The following CCBE1 variants were observed in gnomAD, a reference collection of about 807,000 sequenced individuals.
The protein encoded by CCBE1 is collagen and calcium binding EGF domains 1.
Under a neutral mutation model 50.0 loss-of-function variants are expected in CCBE1, and 37 were observed. That is an observed-to-expected ratio of 0.74 (90% CI 0.57 to 0.97). The LOEUF (loss-of-function observed/expected upper bound fraction) is 0.97, where lower values mean the gene tolerates loss of function less well. CCBE1 is among the 50% of genes least tolerant of loss of function. The pLI is 0.00. For synonymous variants in CCBE1, 234 were observed against 203.7 expected, an observed-to-expected ratio of 1.15 and a Z score of -1.27; for missense variants, 538 against 523.8, an observed-to-expected ratio of 1.03 and a Z score of -0.26.
At chr18:59,679,911 G>C (rs1171903417) in intron 2 of CCBE1, among the ~76,000 whole-genome samples, 10 of 152,134 alleles carry the variant, frequency 6.6e-5, no homozygotes, top group Non-Finnish European at 1.5e-4. Context: ...GTAGGTAAGA[G>C]ACATGGTTAC....
chr18:59,664,262 T>C (rs566393902), intron 2 of CCBE1, among the ~76,000 whole-genome samples: 4 of 152,188 alleles, frequency 2.6e-5, no homozygotes, highest in Non-Finnish European at 5.9e-5. Flanking sequence ...CCTAATCCCA[T>C]CACCTTAGAG....
chr18:59,523,431 T>G (rs1914690430), intron 2 of CCBE1, among the ~76,000 whole-genome samples: 1 of 151,574 alleles, frequency 6.6e-6, no homozygotes, highest in African/African-American at 2.4e-5. Context: ...GTTTAATCTT[T>G]CTGTATCTCA....
chr18:59,684,853 C>T (rs2144737372), intron 2 of CCBE1, among the ~76,000 whole-genome samples: 1 of 152,252 alleles, frequency 6.6e-6, no homozygotes, highest in South Asian at 2.1e-4. Context: ...ATACAGTTAA[C>T]TCAAGCCCGT....
Position 59,439,748 on chromosome 18 carries a change from G to T in CCBE1, c.844C>A (p.Arg282=). The part of the protein sequence containing the change: ...MPGPPGQPGP[R]GSMGPMGPSP... ...GGTCCCATGGGTCCCATTGAGCCCC[G>T]TGGGCCGGGCTGCCCAGGAGGGCCT... The change falls in exon 8 of 11, where the codon CGG becomes AGG. Residue 282 remains arginine (R), a synonymous_variant. Transcript: ENST00000439986. 6.2e-7 allele frequency: 1 copy of T among 1,614,220 alleles called. No homozygotes were observed.
At position 59,466,857 on chromosome 18, in the gene CCBE1, C is replaced by G. The variant is rs750346927; in HGVS notation, c.435G>C (p.Leu145=). The change falls in exon 5 of 11, where the codon CTG becomes CTC. Residue 145 remains leucine, a synonymous_variant. Coordinates refer to ENST00000439986, the MANE Select transcript of CCBE1 (RefSeq NM_133459.4). The stretch of plus-strand genomic sequence containing the variant: ...AGGTATTGATGCAGATGTGGGCACA[C>G]AGCGTCCCATTGCTGCTGGCACACT... ...IDECASSNGT[L]CAHICINTLG... is the part of the protein sequence containing the mutation. The G allele has an allele frequency of 6.2e-7, 1 of 1,613,428 alleles. No homozygotes were observed. The highest frequency in any genetic ancestry group is 8.5e-7 in the Non-Finnish European group (1 of 1,179,806).
intron 2 of CCBE1, among the ~76,000 whole-genome samples, chr18:59,693,164 T>C (rs917246288): frequency 2.0e-5 from 3 of 152,218 alleles, no homozygotes; most frequent in Non-Finnish European, 4.4e-5. Context: ...TATTGCGAGA[T>C]GCATTGTTGC....
chr18:59,696,732 T>C, intron 1 of CCBE1, 23 bp from the exon 2 acceptor site: 2 of 1,611,668 alleles, frequency 1.2e-6, no homozygotes, highest in Non-Finnish European at 1.7e-6. Context: ...GCAGAGGAAA[T>C]GTTCGATTCT....
Position 59,469,498 on chromosome 18 carries a change from C to A in CCBE1, c.375G>T (p.Arg125=). The A allele has an allele frequency of 6.2e-7, 1 of 1,614,210 alleles. No individual in the cohort carries two copies. Among genetic ancestry groups the A allele is most frequent in the Non-Finnish European group, 8.5e-7 (1 of 1,180,042 alleles). The change falls in exon 4 of 11, where the codon CGG becomes CGT. Residue 125 remains arginine, a synonymous_variant. Transcript: ENST00000439986. The part of the protein sequence containing the change: ...PGYRYDRERH[R]KREKPYCLDI... The stretch of plus-strand genomic sequence containing the variant: ...CCAGACAGTATGGCTTCTCCCGCTT[C>A]CGGTGTCTCTCCCGGTCATATCGGT...
At chr18:59,657,868 G>GCAACAACAACAAA (rs1433097635) in intron 2 of CCBE1, among the ~76,000 whole-genome samples, 43 of 148,514 alleles carry the variant, frequency 2.9e-4, no homozygotes, top group Middle Eastern at 3.4e-3. Context: ...TCCAGCCTGG[G>GCAACAACAACAAA]CAACAACAAC....
chr18:59,519,249 C>T (rs1381519624), intron 2 of CCBE1, among the ~76,000 whole-genome samples: 1 of 152,154 alleles, frequency 6.6e-6, no homozygotes, highest in Non-Finnish European at 1.5e-5. Flanking sequence ...ACCTTTTTAG[C>T]CCACTCCTGG....
At chr18:59,460,137 A>G (rs997164705) in intron 5 of CCBE1, among the ~76,000 whole-genome samples, 14 of 152,228 alleles carry the variant, frequency 9.2e-5, no homozygotes, top group Non-Finnish European at 2.1e-4. Context: ...AGAGAAAATC[A>G]AAGTGACTGA....
intron 4 of CCBE1, among the ~76,000 whole-genome samples, chr18:59,467,128 T>C (rs1911789538): frequency 6.6e-6 from 1 of 152,244 alleles, no homozygotes; most frequent in South Asian, 2.1e-4. Flanking sequence ...TGGCTGTGGC[T>C]CTGCCACTCG....
intron 2 of CCBE1, among the ~76,000 whole-genome samples, chr18:59,609,852 G>C (rs1209729901): frequency 6.6e-6 from 1 of 152,104 alleles, no homozygotes; most frequent in African/African-American, 2.4e-5. Context: ...AAGATGATTG[G>C]GTAAGTACCA....
chr18:59,622,652 G>A (rs1437811405), intron 2 of CCBE1, among the ~76,000 whole-genome samples: 1 of 150,640 alleles, frequency 6.6e-6, no homozygotes, highest in African/African-American at 2.4e-5. Context: ...AATACAAAAT[G>A]TAGCTGGGCG....
At chr18:59,580,880 C>T (rs1171251328) in intron 2 of CCBE1, among the ~76,000 whole-genome samples, 1 of 152,210 alleles carries the variant, frequency 6.6e-6, no homozygotes, top group African/African-American at 2.4e-5. Context: ...GCTGGCCACA[C>T]TGGGGGGCCT....
At chr18:59,568,878 G>A (rs1436868661) in intron 2 of CCBE1, among the ~76,000 whole-genome samples, 1 of 152,184 alleles carries the variant, frequency 6.6e-6, no homozygotes, top group Non-Finnish European at 1.5e-5. Flanking sequence ...TAAAGGACAT[G>A]GGCAGGCCAT....
chr18:59,621,697 C>G (rs1013583924), intron 2 of CCBE1, among the ~76,000 whole-genome samples: 5 of 152,224 alleles, frequency 3.3e-5, no homozygotes, highest in African/African-American at 1.2e-4. Context: ...ACTCATATCT[C>G]TCCGACTCTG....
At chr18:59,680,677 A>C (rs934752243) in intron 2 of CCBE1, among the ~76,000 whole-genome samples, 6 of 151,486 alleles carry the variant, frequency 4.0e-5, no homozygotes, top group African/African-American at 7.3e-5. Context: ...CCAGCCTGGG[A>C]GACAGAGCGA....
intron 2 of CCBE1, among the ~76,000 whole-genome samples, chr18:59,573,299 A>ATATATATATATATATATG (rs920487820): frequency 1.6e-5 from 2 of 121,548 alleles, no homozygotes; most frequent in South Asian, 2.3e-4. Flanking sequence ...ATATATATAT[A>ATATATATATATATATATG]TATGTATGTA....
Sources: allele counts gnomAD v4.1 joint callset (sites outside exome capture counted in the v4.1 genomes callset), GRCh38; gene constraint gnomAD v4.1.1; transcripts MANE v1.5; gene names NCBI Gene and HGNC (gene_info 2026-07-23, HGNC 2026-07-21).